Variants in FANCC observed in about 807,000 individuals in gnomAD.
FANCC encodes the protein Fanconi anemia group C protein.
FANCC carries 55 observed loss-of-function variants against 71.3 expected under a neutral mutation model. The observed-to-expected ratio is 0.77, with a 90% CI of 0.62 to 0.97. The LOEUF is 0.97. Ranked by LOEUF, FANCC falls within the 50% of genes least tolerant of loss-of-function variation. The pLI, the probability that FANCC is intolerant of heterozygous loss-of-function variation, is 0.00. For synonymous variants in FANCC, 275 were observed against 244.9 expected, an observed-to-expected ratio of 1.12 and a Z score of -1.15; for missense variants, 678 against 670.9, an observed-to-expected ratio of 1.01 and a Z score of -0.12.
At chr9:95,204,361 G>C (rs905599045) in intron 4 of FANCC, among the ~76,000 whole-genome samples, 9 of 152,142 alleles carry the variant, frequency 5.9e-5, no homozygotes, top group African/African-American at 2.2e-4. Context: ...ACATTAATTA[G>C]GCATTGGTAA....
intron 14 of FANCC, among the ~76,000 whole-genome samples, chr9:95,106,662 T>C (rs1402185881): frequency 6.6e-6 from 1 of 152,224 alleles, no homozygotes; most frequent in Admixed American, 6.5e-5. Context: ...ACAGAATTCT[T>C]TGCACTGTTG....
chr9:95,254,700 G>C (rs1254420364), intron 1 of FANCC, among the ~76,000 whole-genome samples: 1 of 152,152 alleles, frequency 6.6e-6, no homozygotes, highest in African/African-American at 2.4e-5. Context: ...TCATACACCA[G>C]TGGCACCTGG....
At chr9:95,235,072 A>C (rs1830224360) in intron 4 of FANCC, among the ~76,000 whole-genome samples, 1 of 152,236 alleles carries the variant, frequency 6.6e-6, no homozygotes, top group Admixed American at 6.5e-5. Context: ...TGTTACCAGG[A>C]CCTTGTGTCC....
intron 4 of FANCC, among the ~76,000 whole-genome samples, chr9:95,189,470 A>C (rs972649799): frequency 6.6e-6 from 1 of 152,124 alleles, no homozygotes; most frequent in Non-Finnish European, 1.5e-5. Flanking sequence ...CAACCATAAC[A>C]AAGTCTGCAG....
chr9:95,284,852 CCTCT>C (rs200136544), intron 1 of FANCC, among the ~76,000 whole-genome samples: 2 of 139,510 alleles, frequency 1.4e-5, no homozygotes, highest in Non-Finnish European at 3.0e-5. Flanking sequence ...CTCTAAGACT[CCTCT>C]CTCTCACACA....
chr9:95,232,426 C>G (rs947019323), intron 4 of FANCC, among the ~76,000 whole-genome samples: 9 of 152,052 alleles, frequency 5.9e-5, no homozygotes, highest in African/African-American at 2.2e-4. Context: ...AAGAAGGATG[C>G]CTTATTGAAT....
At chr9:95,172,263 C>G in intron 4 of FANCC, 116 bp from the exon 5 acceptor site, 2 of 647,854 alleles carry the variant, frequency 3.1e-6, no homozygotes, top group South Asian at 4.0e-5. Flanking sequence ...ACAAAAAAAT[C>G]TGTTTGTCAA....
intron 3 of FANCC, 65 bp from the exon 4 acceptor site, chr9:95,240,808 A>C: frequency 1.1e-6 from 1 of 917,186 alleles, no homozygotes; most frequent in South Asian, 1.4e-5. Flanking sequence ...AAAACACTGT[A>C]AACATTATAT....
chr9:95,282,741 G>A, intron 1 of FANCC, among the ~76,000 whole-genome samples: 1 of 152,044 alleles, frequency 6.6e-6, no homozygotes, highest in East Asian at 1.9e-4. Flanking sequence ...TATCTTTTCT[G>A]ACCACAATGG....
chr9:95,202,561 C>T (rs947519536), intron 4 of FANCC, among the ~76,000 whole-genome samples: 1 of 152,130 alleles, frequency 6.6e-6, no homozygotes, highest in African/African-American at 2.4e-5. Context: ...ATGCTCAGGG[C>T]GAAAGAACCA....
At chr9:95,110,990 C>A in intron 13 of FANCC, 2 of 1,421,448 alleles carry the variant, frequency 1.4e-6, no homozygotes, top group Non-Finnish European at 1.8e-6. Context: ...TAAATAAAGC[C>A]AGTAATGTGA....
At chr9:95,266,943 C>T (rs1832416590) in intron 1 of FANCC, among the ~76,000 whole-genome samples, 1 of 152,068 alleles carries the variant, frequency 6.6e-6, no homozygotes, top group African/African-American at 2.4e-5. Flanking sequence ...ATTCTCTTTA[C>T]TCCAAACATA....
chr9:95,284,747 G>A (rs771079594), intron 1 of FANCC, among the ~76,000 whole-genome samples: 1 of 151,932 alleles, frequency 6.6e-6, no homozygotes, highest in Non-Finnish European at 1.5e-5. Flanking sequence ...ATATGTACCA[G>A]TCTTACCAGA....
chr9:95,180,350 T>TG (rs1826266374), intron 4 of FANCC, among the ~76,000 whole-genome samples: 1 of 148,158 alleles, frequency 6.7e-6, no homozygotes, highest in African/African-American at 2.5e-5. Flanking sequence ...TTTTTTTTTT[T>TG]TTTTTTTTTT....
chr9:95,184,906 T>G (rs1220933592), intron 4 of FANCC, among the ~76,000 whole-genome samples: 1 of 152,244 alleles, frequency 6.6e-6, no homozygotes, highest in South Asian at 2.1e-4. Flanking sequence ...ACAGTAAAGC[T>G]AATCAGATAC....
chr9:95,292,785 C>T (rs569130619), intron 1 of FANCC: 468 of 1,532,916 alleles, frequency 3.1e-4, no homozygotes, highest in Non-Finnish European at 4.0e-4. Context: ...TCAGTTTTCT[C>T]TCGTAAAACA....
intron 1 of FANCC, among the ~76,000 whole-genome samples, chr9:95,273,112 A>G (rs1219057001): frequency 6.6e-6 from 1 of 152,254 alleles, no homozygotes. Context: ...AGAAAACAGC[A>G]GAATGTTTTT....
intron 7 of FANCC, among the ~76,000 whole-genome samples, chr9:95,140,122 A>G (rs1828417206): frequency 6.6e-6 from 1 of 152,010 alleles, no homozygotes; most frequent in African/African-American, 2.4e-5. Flanking sequence ...TATCATAGTT[A>G]TGTTTTAGGA....
At chr9:95,266,301 A>C (rs1832380514) in intron 1 of FANCC, among the ~76,000 whole-genome samples, 1 of 152,242 alleles carries the variant, frequency 6.6e-6, no homozygotes, top group African/African-American at 2.4e-5. Flanking sequence ...AGTAAAATTT[A>C]AATTGACAAA....
Sources: allele counts gnomAD v4.1 joint callset (sites outside exome capture counted in the v4.1 genomes callset), GRCh38; gene constraint gnomAD v4.1.1; transcripts MANE v1.5; gene names NCBI Gene and HGNC (gene_info 2026-07-23, HGNC 2026-07-21).